Variants in MCPH1 observed in about 807,000 individuals in gnomAD.
The protein encoded by MCPH1 is microcephalin 1.
A neutral mutation model predicts 84.5 loss-of-function variants in MCPH1; 104 were observed. That is an observed-to-expected ratio of 1.23 (90% confidence interval 1.05 to 1.45). MCPH1 has a LOEUF of 1.45. MCPH1 is among the 40% of genes most tolerant of loss of function. The probability of loss-of-function intolerance (pLI) is 0.00; values close to 1 mark genes in which losing one functional copy is unlikely to be tolerated. For synonymous variants in MCPH1, 514 were observed against 366.8 expected (o/e 1.40, Z -4.58); for missense variants, 1,498 against 1,005.7 (o/e 1.49, Z -6.62).
intron 12 of MCPH1, among the ~76,000 whole-genome samples, chr8:6,614,521 C>G (rs1830605076): frequency 6.6e-6 from 1 of 152,232 alleles, no homozygotes; most frequent in South Asian, 2.1e-4. Flanking sequence ...TTGTCCAGTG[C>G]CCATGTGGCT....
In MCPH1 at chr8:6,621,594, G is replaced by A; in HGVS notation, c.2355G>A (p.Arg785=). 5 of 1,614,182 alleles carry A rather than the reference G, an allele frequency of 3.1e-6. No homozygotes were observed. Among genetic ancestry groups the A allele is most frequent in the Non-Finnish European group, 4.2e-6 (5 of 1,180,042 alleles). Reference sequence around the variant, plus strand: ...AACTAGTCCACCTGTGCGGAGGCCGGGTCAGCCAAGTCCCCCGCCAGGCCA... The same window carrying A: ...AACTAGTCCACCTGTGCGGAGGCCGAGTCAGCCAAGTCCCCCGCCAGGCCA... ...LCELVHLCGG[R]VSQVPRQASI... The change falls in exon 13 of 14, where the codon CGG becomes CGA. Residue 785 remains arginine (R), a synonymous_variant. Coordinates refer to ENST00000344683, the MANE Select transcript of MCPH1 (RefSeq NM_024596.5).
At chr8:6,431,417 C>T in intron 3 of MCPH1, 82 bp from the exon 4 acceptor site, 2 of 1,008,932 alleles carry the variant, frequency 2.0e-6, no homozygotes, top group South Asian at 1.4e-5. Context: ...TCTTAAATTG[C>T]TAATACATGT....
intron 12 of MCPH1, among the ~76,000 whole-genome samples, chr8:6,554,224 A>C (rs1824178591): frequency 6.6e-6 from 1 of 151,296 alleles, no homozygotes; most frequent in South Asian, 2.1e-4. Flanking sequence ...CATGGGAGTA[A>C]GTGTGACAAA....
intron 12 of MCPH1, among the ~76,000 whole-genome samples, chr8:6,517,820 C>A (rs1428420962): frequency 6.6e-6 from 1 of 152,192 alleles, no homozygotes; most frequent in South Asian, 2.1e-4. Flanking sequence ...CTGTCTATCT[C>A]TCCCTGGATC....
rs150289650 is a variant in MCPH1, at chr8:6,410,537, G to A, written c.114+1167G>A. Among the ~76,000 whole-genome samples, 87 of 152,184 alleles carry A rather than the reference G, an allele frequency of 5.7e-4. 2 individuals are homozygous for A. Among genetic ancestry groups the A allele is most frequent in the African/African-American group, 2.0e-3 (81 of 41,508 alleles). Reference sequence around the variant, plus strand: ...TCTCTGTTATCAGATTTACTATCACGTACTGCTTGTGTTCAGGTAGCCTCT... The same window carrying A: ...TCTCTGTTATCAGATTTACTATCACATACTGCTTGTGTTCAGGTAGCCTCT... On this transcript the variant is annotated intron_variant, in intron 2 of 13. Transcript: ENST00000344683.
chr8:6,446,465 C>A (rs928631347), intron 8 of MCPH1: 1 of 985,154 alleles, frequency 1.0e-6, no homozygotes, highest in South Asian at 4.7e-5. Flanking sequence ...GTATACGCTC[C>A]CCAAAATTGT....
chr8:6,565,867 C>T (rs1188815007), intron 12 of MCPH1, among the ~76,000 whole-genome samples: 2 of 152,218 alleles, frequency 1.3e-5, no homozygotes, highest in African/African-American at 4.8e-5. Context: ...GGACTCCATC[C>T]TTTTCAAATT....
At chr8:6,459,589 C>T (rs1405447644) in intron 9 of MCPH1, among the ~76,000 whole-genome samples, 1 of 152,158 alleles carries the variant, frequency 6.6e-6, no homozygotes, top group Non-Finnish European at 1.5e-5. Flanking sequence ...TGAAGCAATG[C>T]CTCTACTAGA....
At chr8:6,570,298 C>T (rs889636744) in intron 12 of MCPH1, among the ~76,000 whole-genome samples, 3 of 152,138 alleles carry the variant, frequency 2.0e-5, no homozygotes, top group Non-Finnish European at 4.4e-5. Flanking sequence ...ATTTAGAGTA[C>T]AAGTTAAGTG....
intron 12 of MCPH1, among the ~76,000 whole-genome samples, chr8:6,580,690 C>G (rs148447522): frequency 8.5e-5 from 13 of 152,136 alleles, no homozygotes; most frequent in African/African-American, 2.9e-4. Context: ...AAAAAAAACT[C>G]AGAGTTGGAG....
intron 12 of MCPH1, among the ~76,000 whole-genome samples, chr8:6,537,689 T>A (rs1010027989): frequency 6.6e-6 from 1 of 152,122 alleles, no homozygotes; most frequent in East Asian, 1.9e-4. Context: ...TATGGCAGAT[T>A]GATTACACAT....
chr8:6,514,813 C>T (rs1196534599), intron 12 of MCPH1: 8 of 1,541,898 alleles, frequency 5.2e-6, no homozygotes, highest in Non-Finnish European at 6.3e-6. Flanking sequence ...AGTGACAGAG[C>T]CCCCCCACTC....
chr8:6,485,240 G>A (rs760572837), intron 11 of MCPH1, among the ~76,000 whole-genome samples: 2 of 151,952 alleles, frequency 1.3e-5, no homozygotes, highest in Non-Finnish European at 2.9e-5. Flanking sequence ...CAGGAGAATC[G>A]CTTGAACTTG....
chr8:6,444,941 T>C lies in MCPH1; in HGVS notation c.1219T>C (p.Cys407Arg). ...GGGACCTGCCCTGGAGGCTCTTAGC[T>C]GTGGGGAGTCTTCATATGATGACTA... Reference protein sequence around the residue: ...VAGPALEALSCGESSYDDYFS... With the variant: ...VAGPALEALSRGESSYDDYFS... The change falls in exon 8 of 14, where the codon TGT becomes CGT. Residue 407 changes from cysteine to arginine, a missense_variant. Physicochemically the swap from Cys to Arg is radical, Grantham distance 180. Transcript: ENST00000344683. The C allele has an allele frequency of 1.9e-6, 3 of 1,614,178 alleles. No homozygotes were observed. The highest frequency in any genetic ancestry group is 2.5e-6 in the Non-Finnish European group (3 of 1,180,024).
intron 1 of MCPH1, among the ~76,000 whole-genome samples, chr8:6,408,213 A>G (rs1039304626): frequency 3.3e-5 from 5 of 152,210 alleles, no homozygotes; most frequent in African/African-American, 4.8e-5. Context: ...CACTGAAGCT[A>G]TTTTGAAAAG....
chr8:6,574,469 T>G (rs1826907951), intron 12 of MCPH1, among the ~76,000 whole-genome samples: 1 of 152,212 alleles, frequency 6.6e-6, no homozygotes, highest in African/African-American at 2.4e-5. Context: ...TAAGCCCACA[T>G]GCTGAGTTGC....
chr8:6,639,180 G>A (rs1285957582), intron 13 of MCPH1, among the ~76,000 whole-genome samples: 2 of 152,148 alleles, frequency 1.3e-5, no homozygotes, highest in Non-Finnish European at 2.9e-5. Flanking sequence ...TGGATGGTTG[G>A]ATGGATGGGT....
chr8:6,548,062 A>T (rs1822930014), intron 12 of MCPH1, among the ~76,000 whole-genome samples: 1 of 152,036 alleles, frequency 6.6e-6, no homozygotes, highest in South Asian at 2.1e-4. Flanking sequence ...TTTGTGGTTT[A>T]GTGTCTTTAC....
intron 3 of MCPH1, among the ~76,000 whole-genome samples, chr8:6,431,198 T>G (rs144285268): frequency 6.6e-6 from 1 of 152,222 alleles, no homozygotes. Context: ...TACCCTTAGC[T>G]TTATGAGTAC....
Sources: allele counts gnomAD v4.1 joint callset (sites outside exome capture counted in the v4.1 genomes callset), GRCh38; gene constraint gnomAD v4.1.1; transcripts MANE v1.5; gene names NCBI Gene and HGNC (gene_info 2026-07-23, HGNC 2026-07-21).